The following UPK1A variants were observed in gnomAD, a reference collection of about 807,000 sequenced individuals.
The protein encoded by UPK1A is uroplakin 1A.
In UPK1A, 31 loss-of-function variants were observed where a neutral mutation model predicts 32.3. The ratio of observed to expected loss-of-function variants is 0.96; its 90% CI spans 0.72 to 1.30. The LOEUF (loss-of-function observed/expected upper bound fraction) is 1.30. Among genes scored for constraint, UPK1A ranks in the 50% most tolerant of loss-of-function variants. The probability of loss-of-function intolerance (pLI) is 0.00; values close to 1 mark genes in which losing one functional copy is unlikely to be tolerated. For missense variants in UPK1A, 340 were observed against 357.4 expected (o/e 0.95, Z 0.39); for synonymous variants, 135 against 137.1 (o/e 0.98, Z 0.11).
chr19:35,669,288 TGC>T, intron 3 of UPK1A, among the ~76,000 whole-genome samples: 1 of 152,074 alleles, frequency 6.6e-6, no homozygotes, highest in East Asian at 1.9e-4. Context: ...CTTGAGGCTG[TGC>T]TCTTAATCTC....
exon 8 of UPK1A, chr19:35,678,204 A>T: frequency 1.5e-6 from 1 of 660,660 alleles, no homozygotes; most frequent in South Asian, 2.8e-5. Context: ...GTGCCCTGAA[A>T]CCCCAGGGCT....
At chr19:35,671,803 C>T (rs553112062) in intron 3 of UPK1A, among the ~76,000 whole-genome samples, 2 of 152,090 alleles carry the variant, frequency 1.3e-5, no homozygotes, top group Admixed American at 6.6e-5. Flanking sequence ...GACTAGAGTC[C>T]GCAGTATTTG....
intron 4 of UPK1A, 47 bp from the exon 5 acceptor site, chr19:35,673,391 C>T (rs901159475): frequency 1.2e-6 from 2 of 1,610,752 alleles, no homozygotes; most frequent in African/African-American, 1.3e-5. Context: ...GTCGTCCTCT[C>T]TCCCCACCCA....
intron 6 of UPK1A, among the ~76,000 whole-genome samples, chr19:35,677,576 A>G (rs1490632773): frequency 6.6e-6 from 1 of 151,356 alleles, no homozygotes; most frequent in Non-Finnish European, 1.5e-5. Context: ...TCACCCTCAG[A>G]TTGTCATAGC....
At chr19:35,670,052 G>T (rs1968062715) in intron 3 of UPK1A, among the ~76,000 whole-genome samples, 1 of 152,214 alleles carries the variant, frequency 6.6e-6, no homozygotes. Flanking sequence ...CAGGAGCCGA[G>T]GAGGGCGAGG....
intron 2 of UPK1A, chr19:35,668,170 A>T: frequency 4.0e-6 from 2 of 502,404 alleles, no homozygotes; most frequent in Non-Finnish European, 7.3e-6. Context: ...TGGACCAAGC[A>T]TCTCCTCTGT....
exon 8 of UPK1A, chr19:35,678,073 CTGCTTCCTCCGCT>C: frequency 6.6e-7 from 1 of 1,511,146 alleles, no homozygotes; most frequent in Non-Finnish European, 8.9e-7. Flanking sequence ...CATCCTCCTC[CTGCTTCCTCCGCT>C]GGGCCTGGAT....
exon 3 of UPK1A, chr19:35,668,500 A>G (rs1418296764): frequency 6.2e-7 from 1 of 1,614,176 alleles, no homozygotes; most frequent in Non-Finnish European, 8.5e-7. Context: ...GTGACAGCCG[A>G]CCAGTACCGT....
chr19:35,668,664 C>T lies in UPK1A; in HGVS notation c.285+10C>T. ...GTCCATGGTCCTCACGGTGAGACTC[C>T]AGGGGTTGGGGGATGGGGACACTGA... On this transcript the variant is annotated intron_variant, in intron 3 of 7. Transcript: ENST00000617999. The T allele has an allele frequency of 6.2e-7, 1 of 1,608,248 alleles. No homozygotes were observed. Among genetic ancestry groups the T allele is most frequent in the Non-Finnish European group, 8.5e-7 (1 of 1,177,486 alleles).
chr19:35,671,661 G>T (rs184401337), intron 3 of UPK1A, among the ~76,000 whole-genome samples: 21 of 149,856 alleles, frequency 1.4e-4, no homozygotes, highest in Non-Finnish European at 2.4e-4. Context: ...ATGGGGTTTC[G>T]CCGTGTTAGC....
At chr19:35,669,436 G>A (rs73600885) in intron 3 of UPK1A, among the ~76,000 whole-genome samples, 14,323 of 151,314 alleles carry the variant, frequency 0.095, 773 homozygotes, top group East Asian at 0.12. Flanking sequence ...AGGCTGAGGC[G>A]GACAGATCAT....
chr19:35,673,429 TCTC>T lies in UPK1A; in HGVS notation c.361-5_361-3del, dbSNP rs750424744. ...CCTGCCGGCCCTTGTTCTTCCCTGT[TCTC>T]CTCAGATGGTGTCCAACCCATCCCT... On this transcript the variant is annotated splice_polypyrimidine_tract_variant and splice_region_variant and intron_variant, in intron 4 of 7. Transcript: ENST00000617999. The T allele has an allele frequency of 2.9e-5, 47 of 1,613,426 alleles. 1 individual carries two copies. The highest frequency in any genetic ancestry group is 1.9e-4 in the South Asian group (17 of 91,074).
intron 3 of UPK1A, 51 bp downstream of exon 3, chr19:35,668,705 T>C (rs1407383755): frequency 1.3e-6 from 2 of 1,539,724 alleles, no homozygotes; most frequent in African/African-American, 2.7e-5. Context: ...GAGTTCAGCA[T>C]CACTGAGTCA....
chr19:35,676,262 C>A, intron 6 of UPK1A: 1 of 649,226 alleles, frequency 1.5e-6, no homozygotes, highest in South Asian at 1.6e-5. Flanking sequence ...ACAATCTCAG[C>A]TCACTGCAGC....
chr19:35,677,779 G>T (rs200094868), intron 6 of UPK1A, 33 bp from the exon 7 acceptor site: 2 of 1,611,138 alleles, frequency 1.2e-6, no homozygotes, highest in African/African-American at 2.7e-5. Flanking sequence ...CCTCATGGGC[G>T]TCTTCTCAAA....
intron 6 of UPK1A, 188 bp downstream of exon 6, chr19:35,676,207 T>C (rs1238159606): frequency 2.9e-6 from 2 of 693,776 alleles, no homozygotes; most frequent in Admixed American, 2.8e-5. Flanking sequence ...TTTTTTTTTT[T>C]CAAGACCGAG....
At chr19:35,667,743 C>T (rs1968020917) in intron 2 of UPK1A, among the ~76,000 whole-genome samples, 1 of 152,032 alleles carries the variant, frequency 6.6e-6, no homozygotes, top group Non-Finnish European at 1.5e-5. Flanking sequence ...ATCTGCCCAC[C>T]TCAGCCTCCC....
intron 3 of UPK1A, among the ~76,000 whole-genome samples, chr19:35,669,775 C>G (rs1965439579): frequency 6.6e-6 from 1 of 152,176 alleles, no homozygotes. Context: ...CTCAAAGAGG[C>G]TAACAGCCTC....
chr19:35,676,070 C>T, intron 6 of UPK1A, 51 bp downstream of exon 6: 1 of 1,552,854 alleles, frequency 6.4e-7, no homozygotes, highest in Non-Finnish European at 8.7e-7. Flanking sequence ...CTGTCTTCCT[C>T]TGGTCTCTGC....
Sources: allele counts gnomAD v4.1 joint callset (sites outside exome capture counted in the v4.1 genomes callset), GRCh38; gene constraint gnomAD v4.1.1; transcripts MANE v1.5; gene names NCBI Gene and HGNC (gene_info 2026-07-23, HGNC 2026-07-21).